The following PRKCB variants were observed in gnomAD, a reference collection of about 807,000 sequenced individuals.
PRKCB encodes protein kinase C beta.
PRKCB carries 13 observed loss-of-function variants against 81.5 expected under a neutral mutation model. That is an observed-to-expected ratio of 0.16 (90% CI 0.10 to 0.25). The LOEUF (loss-of-function observed/expected upper bound fraction) is 0.25, where lower values mean the gene tolerates loss of function less well. Among genes scored for constraint, PRKCB ranks in the 10% least tolerant of loss-of-function variants. The pLI, the probability that PRKCB is intolerant of heterozygous loss-of-function variation, is 1.00. For synonymous variants in PRKCB, 335 were observed against 321.4 expected (o/e 1.04, Z -0.45); for missense variants, 509 against 875.7 (o/e 0.58, Z 5.29).
At chr16:23,872,886 CGGAAGACTTGGCCCGGCGT>C (rs888322575) in intron 2 of PRKCB, among the ~76,000 whole-genome samples, 12 of 151,724 alleles carry the variant, frequency 7.9e-5, no homozygotes, top group African/African-American at 2.7e-4. Flanking sequence ...GTTAGAAAAA[CGGAAGACTTGGCCCGGCGT>C]GGTGTCTCAT....
In PRKCB at chr16:24,129,005, A is replaced by G. The variant is rs149647320; in HGVS notation, c.1065+5024A>G. Among the ~76,000 whole-genome samples, 49 of 152,338 alleles carry G rather than the reference A, an allele frequency of 3.2e-4. No individual in the cohort carries two copies. The East Asian group carries it at 9.1e-3, about 28-fold the overall frequency. Reference sequence around the variant, plus strand: ...GATACAAGCTTACCTTATAAAGTAAATACAGCAAATACTTGATCAAGTATA... The same window carrying G: ...GATACAAGCTTACCTTATAAAGTAAGTACAGCAAATACTTGATCAAGTATA... On this transcript the variant is annotated intron_variant, in intron 9 of 16. Transcript: ENST00000643927.
intron 2 of PRKCB, among the ~76,000 whole-genome samples, chr16:23,956,858 G>GA (rs202151200): frequency 6.6e-5 from 10 of 151,044 alleles, no homozygotes; most frequent in South Asian, 2.1e-4. Flanking sequence ...GGATCAGTAG[G>GA]AAAAAAAATG....
At chr16:23,905,398 C>T (rs181499887) in intron 2 of PRKCB, among the ~76,000 whole-genome samples, 1 of 152,290 alleles carries the variant, frequency 6.6e-6, no homozygotes, top group Admixed American at 6.5e-5. Context: ...ATGCTTCATT[C>T]CCCAGAACTT....
In PRKCB at chr16:24,215,254, G is replaced by A. The variant is rs1968208586; in HGVS notation, c.*438G>A. The A allele has an allele frequency of 1.0e-6, 1 of 992,016 alleles. No individual in the cohort carries two copies. The highest frequency in any genetic ancestry group is 5.8e-5 in the Admixed American group (1 of 17,322). The allele number at this position is 992,016 out of a possible 1,614,324, so 61.5% of individuals were successfully genotyped here. ...CCAAGTGTATGGTTGCTTTGCCTAA[G>A]AGGAATCCCTCTATTTCACCTGTTC... On this transcript the variant is annotated 3_prime_UTR_variant, in exon 17 of 17. Coordinates refer to ENST00000643927, the MANE Select transcript of PRKCB (RefSeq NM_002738.7).
chr16:24,191,982 T>G (rs1205493873), intron 16 of PRKCB, among the ~76,000 whole-genome samples: 1 of 152,242 alleles, frequency 6.6e-6, no homozygotes. Context: ...GGAGGATATT[T>G]CCTTGTGAAA....
chr16:24,047,400 A>G (rs1349400604), intron 5 of PRKCB, among the ~76,000 whole-genome samples: 1 of 152,064 alleles, frequency 6.6e-6, no homozygotes, highest in African/African-American at 2.4e-5. Context: ...ACATGGAGGC[A>G]TGCACCTGTA....
chr16:23,882,267 A>G (rs1963136291), intron 2 of PRKCB, among the ~76,000 whole-genome samples: 1 of 151,230 alleles, frequency 6.6e-6, no homozygotes, highest in Non-Finnish European at 1.5e-5. Flanking sequence ...GATTTTTAAT[A>G]GAGACAAGGT....
chr16:23,955,985 A>T (rs1316098937), intron 2 of PRKCB, among the ~76,000 whole-genome samples: 2 of 152,210 alleles, frequency 1.3e-5, no homozygotes, highest in African/African-American at 4.8e-5. Context: ...GTGATGATGT[A>T]TAACTGTGTA....
intron 5 of PRKCB, among the ~76,000 whole-genome samples, chr16:24,050,491 A>T (rs1212551113): frequency 1.3e-5 from 2 of 148,900 alleles, no homozygotes; most frequent in Non-Finnish European, 3.0e-5. Flanking sequence ...ACACACACAC[A>T]CTGCACAAAC....
At chr16:24,092,324 T>C (rs1285554600) in intron 5 of PRKCB, among the ~76,000 whole-genome samples, 2 of 152,240 alleles carry the variant, frequency 1.3e-5, no homozygotes, top group Non-Finnish European at 2.9e-5. Context: ...GCAGCAGTAT[T>C]CACAACAGCC....
At chr16:24,081,311 G>A (rs1966246820) in intron 5 of PRKCB, among the ~76,000 whole-genome samples, 1 of 150,222 alleles carries the variant, frequency 6.7e-6, no homozygotes, top group Non-Finnish European at 1.5e-5. Context: ...ATAATCTAAA[G>A]AAAGAAAAAA....
In PRKCB at chr16:24,009,426, A is replaced by ATT. The variant is rs550009011; in HGVS notation, c.288+20851_288+20852dup. Reference sequence around the variant, plus strand: ...TTATCTCACACTTGTTAGGATGACTATTTTTTTTTTTTTTTTGAGATGGAG... The same window carrying ATT: ...TTATCTCACACTTGTTAGGATGACTATTTTTTTTTTTTTTTTTTGAGATGGAG... On this transcript the variant is annotated intron_variant, in intron 3 of 16. Transcript: ENST00000643927. 6.5e-4 allele frequency among the ~76,000 whole-genome samples: 91 copies of ATT among 139,860 alleles called. 1 individual carries two copies. The Middle Eastern group carries it at 0.016, about 24-fold the overall frequency. 91.8% of individuals were successfully genotyped at this position (139,860 alleles called of 152,430 possible). A position where few individuals can be genotyped will look rare whatever the true frequency, so the allele number is the denominator to read the frequency against.
intron 2 of PRKCB, among the ~76,000 whole-genome samples, chr16:23,889,930 T>C (rs1963266697): frequency 6.6e-6 from 1 of 152,250 alleles, no homozygotes. Context: ...GCTGGCATTT[T>C]CTTATATTTT....
rs547155690 is a variant in PRKCB, at chr16:23,992,200, T to C, written c.288+3610T>C. On this transcript the variant is annotated intron_variant, in intron 3 of 16. Transcript: ENST00000643927. ...AGAACTGTGAGGAATAAGTTTATCA[T>C]TTAAAAATCACTCAGGTTTTGGTAT... Among the ~76,000 whole-genome samples, 10 of 152,332 alleles carry C rather than the reference T, an allele frequency of 6.6e-5. 1 individual carries two copies. Among genetic ancestry groups the C allele is most frequent in the South Asian group, 6.2e-4 (3 of 4,828 alleles).
intron 10 of PRKCB, among the ~76,000 whole-genome samples, chr16:24,167,611 C>T (rs1034826324): frequency 6.6e-6 from 1 of 152,114 alleles, no homozygotes; most frequent in Non-Finnish European, 1.5e-5. Context: ...TGTAACCTGC[C>T]AGCTTCTGTC....
chr16:23,982,925 T>G (rs994669342), intron 2 of PRKCB, among the ~76,000 whole-genome samples: 2 of 152,072 alleles, frequency 1.3e-5, no homozygotes, highest in African/African-American at 4.8e-5. Context: ...CAGACCCCAT[T>G]TTGTAGTTCT....
intron 10 of PRKCB, among the ~76,000 whole-genome samples, chr16:24,171,568 T>C (rs1260382947): frequency 6.6e-6 from 1 of 152,166 alleles, no homozygotes; most frequent in African/African-American, 2.4e-5. Flanking sequence ...GGGAGCATCA[T>C]AAAGGCTGGC....
At chr16:24,140,793 T>C (rs774809177) in intron 9 of PRKCB, among the ~76,000 whole-genome samples, 2 of 152,224 alleles carry the variant, frequency 1.3e-5, no homozygotes, top group Admixed American at 6.5e-5. Flanking sequence ...TAATCCTTTA[T>C]GTCTACACCT....
At chr16:24,169,672 T>C (rs1395889746) in intron 10 of PRKCB, among the ~76,000 whole-genome samples, 2 of 152,208 alleles carry the variant, frequency 1.3e-5, no homozygotes, top group Admixed American at 1.3e-4. Flanking sequence ...AAACTGGAAC[T>C]CCTTTCTCCC....
Sources: allele counts gnomAD v4.1 joint callset (sites outside exome capture counted in the v4.1 genomes callset), GRCh38; gene constraint gnomAD v4.1.1; transcripts MANE v1.5; gene names NCBI Gene and HGNC (gene_info 2026-07-23, HGNC 2026-07-21).